The following ADAMTS18 variants were observed in gnomAD, a reference collection of about 807,000 sequenced individuals.
ADAMTS18 encodes the protein ADAM metallopeptidase with thrombospondin type 1 motif 18.
Under a neutral mutation model 165.9 loss-of-function variants are expected in ADAMTS18, and 157 were observed. The observed-to-expected ratio is 0.95, with a 90% CI of 0.83 to 1.08. ADAMTS18 has a LOEUF of 1.08. ADAMTS18 is among the 50% of genes least tolerant of loss of function. The pLI, the probability that ADAMTS18 is intolerant of heterozygous loss-of-function variation, is 0.00. For missense variants in ADAMTS18, 2,040 were observed against 1,534.0 expected (o/e 1.33, Z -5.51); for synonymous variants, 782 against 578.2 (o/e 1.35, Z -5.06).
intron 3 of ADAMTS18, among the ~76,000 whole-genome samples, chr16:77,420,002 TA>T (rs34486248): frequency 0.077 from 7,043 of 91,086 alleles, 226 homozygotes; most frequent in African/African-American, 0.084. Context: ...TGTCGCAGAT[TA>T]AAAAAAAAAA....
intron 3 of ADAMTS18, among the ~76,000 whole-genome samples, chr16:77,413,444 G>T (rs2057491131): frequency 6.6e-6 from 1 of 152,184 alleles, no homozygotes; most frequent in African/African-American, 2.4e-5. Flanking sequence ...CACCAGCAAG[G>T]AAAATTTGTT....
chr16:77,420,702 G>C (rs2057590536), intron 3 of ADAMTS18, among the ~76,000 whole-genome samples: 1 of 152,212 alleles, frequency 6.6e-6, no homozygotes, highest in Non-Finnish European at 1.5e-5. Flanking sequence ...ATATTCATTA[G>C]CATATTTAAA....
intron 15 of ADAMTS18, among the ~76,000 whole-genome samples, 157 bp downstream of exon 15, chr16:77,320,922 C>A (rs1407486031): frequency 6.6e-6 from 1 of 152,176 alleles, no homozygotes; most frequent in Admixed American, 6.5e-5. Context: ...AAATTCCTCA[C>A]AACTATCTCC....
chr16:77,282,513 C>T lies in ADAMTS18; in HGVS notation c.*1443G>A, dbSNP rs34371402. The T allele has an allele frequency of 0.12, 18,568 of 152,538 alleles. 1,313 individuals carry two copies. The highest frequency in any genetic ancestry group is 0.23 in the Admixed American group (3,486 of 15,280). 9.4% of individuals were successfully genotyped at this position (152,538 alleles called of 1,614,324 possible). A position where few individuals can be genotyped will look rare whatever the true frequency, so the allele number is the denominator to read the frequency against. Reference sequence around the variant, plus strand: ...TTAATTAGAATGGGAACGAAGTATGCTGCTAAATTTAACAAACCACTGTCT... The same window carrying T: ...TTAATTAGAATGGGAACGAAGTATGTTGCTAAATTTAACAAACCACTGTCT... On this transcript the variant is annotated 3_prime_UTR_variant, in exon 23 of 23. Transcript: ENST00000282849.
At chr16:77,343,962 G>A (rs901267070) in intron 10 of ADAMTS18, among the ~76,000 whole-genome samples, 1 of 151,444 alleles carries the variant, frequency 6.6e-6, no homozygotes, top group Admixed American at 6.6e-5. Flanking sequence ...AAAATTCAAT[G>A]AACCAGGCAC....
At position 77,354,576 on chromosome 16, in the gene ADAMTS18, A is replaced by G. The variant is rs181069718; in HGVS notation, c.1461-690T>C. Among the ~76,000 whole-genome samples, 24 of 152,250 alleles carry G rather than the reference A, an allele frequency of 1.6e-4. No individual in the cohort carries two copies. In the East Asian group the frequency reaches 4.5e-3, roughly 28 times the overall value. On this transcript the variant is annotated intron_variant, in intron 9 of 22. Coordinates refer to ENST00000282849, the MANE Select transcript of ADAMTS18 (RefSeq NM_199355.4). ...ATGTGGTACCACCGAGAAGTTAATT[A>G]TCATGGTGGTTAAGTGTAATTTTGT...
At chr16:77,429,491 T>C (rs1252988197) in intron 3 of ADAMTS18, among the ~76,000 whole-genome samples, 3 of 152,164 alleles carry the variant, frequency 2.0e-5, no homozygotes, top group African/African-American at 7.2e-5. Flanking sequence ...GGTACTGGGC[T>C]TAATATCTGG....
In ADAMTS18 at chr16:77,431,341, C is replaced by G; in HGVS notation, c.449G>C (p.Arg150Thr). 1.2e-6 allele frequency: 2 copies of G among 1,614,168 alleles called. No individual in the cohort carries two copies. The highest frequency in any genetic ancestry group is 8.5e-7 in the Non-Finnish European group (1 of 1,180,040). The stretch of plus-strand genomic sequence containing the variant: ...AGCGACAGAGGAGGAGCTGTCATTT[C>G]TGATAAATCCCTGATAGAAGCATTG... ...VQQCFYQGFI[R>T]NDSSSSVAVS... The change falls in exon 3 of 23, where the codon AGA becomes ACA. Residue 150 changes from arginine (R) to threonine (T), a missense_variant. Arg to Thr is a moderately conservative substitution (Grantham distance 71, BLOSUM62 -1). Transcript: ENST00000282849.
intron 12 of ADAMTS18, among the ~76,000 whole-genome samples, chr16:77,333,502 A>AAT (rs1163200129): frequency 9.9e-5 from 15 of 151,626 alleles, no homozygotes; most frequent in East Asian, 3.9e-4. Context: ...CAAAAAAAAA[A>AAT]AAATAAAACA....
rs143615596 is a variant in ADAMTS18, at chr16:77,291,347, T to C, written c.3321A>G (p.Glu1107=). The C allele has an allele frequency of 7.3e-4, 1,184 of 1,614,212 alleles. No individual in the cohort carries two copies. The highest frequency in any genetic ancestry group is 8.3e-4 in the Non-Finnish European group (984 of 1,180,026). Residue 1107 remains glutamate (E), a synonymous_variant, in exon 21 of 23, where the codon GAA becomes GAG. Coordinates refer to ENST00000282849, the MANE Select transcript of ADAMTS18 (RefSeq NM_199355.4). ...RNIKKPNLDL[E]ETCNRRACPA... ...GGCAAGCCCGTCGGTTGCAGGTCTC[T>C]TCCAAGTCCAGATTTGGTTTCTTAA...
At chr16:77,325,725 G>C (rs1256525736) in intron 13 of ADAMTS18, 141 bp downstream of exon 13, 8 of 803,710 alleles carry the variant, frequency 1.0e-5, no homozygotes, top group Non-Finnish European at 1.3e-5. Flanking sequence ...CCCATGGAAT[G>C]AAACACTGAG....
intron 12 of ADAMTS18, among the ~76,000 whole-genome samples, chr16:77,330,677 T>C (rs2056173658): frequency 6.6e-6 from 1 of 152,188 alleles, no homozygotes; most frequent in Admixed American, 6.5e-5. Flanking sequence ...ACAAAGGATG[T>C]CCCTGTGTGC....
intron 11 of ADAMTS18, 40 bp downstream of exon 11, chr16:77,341,664 C>G (rs1214320394): frequency 1.3e-6 from 2 of 1,537,280 alleles, no homozygotes; most frequent in Non-Finnish European, 1.8e-6. Flanking sequence ...TATGCCTTAT[C>G]AAATTTCTGG....
At chr16:77,397,863 T>C (rs962181354) in intron 3 of ADAMTS18, among the ~76,000 whole-genome samples, 2 of 152,212 alleles carry the variant, frequency 1.3e-5, no homozygotes, top group African/African-American at 4.8e-5. Flanking sequence ...CCTACTGAGA[T>C]GTAGCCTCCT....
At chr16:77,394,727 C>G (rs2057234624) in intron 3 of ADAMTS18, among the ~76,000 whole-genome samples, 1 of 152,112 alleles carries the variant, frequency 6.6e-6, no homozygotes. Context: ...AAAAAGCAGG[C>G]AATTCTTATA....
At chr16:77,341,614 A>T in intron 11 of ADAMTS18, 90 bp downstream of exon 11, 1 of 1,019,206 alleles carries the variant, frequency 9.8e-7, no homozygotes. Context: ...AAACTACCAA[A>T]GCATTCACCC....
intron 3 of ADAMTS18, among the ~76,000 whole-genome samples, chr16:77,407,644 A>C (rs2057409949): frequency 6.6e-6 from 1 of 152,096 alleles, no homozygotes. Context: ...AAACCAACAC[A>C]TACACAATCA....
intron 16 of ADAMTS18, among the ~76,000 whole-genome samples, chr16:77,300,931 C>T (rs2055570659): frequency 6.6e-6 from 1 of 152,090 alleles, no homozygotes; most frequent in African/African-American, 2.4e-5. Flanking sequence ...CACAGAATAC[C>T]CCCACTTAGA....
intron 21 of ADAMTS18, 101 bp from the exon 22 acceptor site, chr16:77,289,512 G>T: frequency 1.4e-6 from 2 of 1,397,886 alleles, no homozygotes; most frequent in Non-Finnish European, 2.0e-6. Context: ...CAAGATGCCT[G>T]CTGATGAAAC....
Sources: allele counts gnomAD v4.1 joint callset (sites outside exome capture counted in the v4.1 genomes callset), GRCh38; gene constraint gnomAD v4.1.1; transcripts MANE v1.5; gene names NCBI Gene and HGNC (gene_info 2026-07-23, HGNC 2026-07-21).